The following SKAP1 variants were observed in gnomAD, a reference collection of about 807,000 sequenced individuals.
SKAP1 encodes src kinase-associated phosphoprotein 1.
SKAP1 carries 44 observed loss-of-function variants against 58.5 expected under a neutral mutation model. That is an observed-to-expected ratio of 0.75 (90% CI 0.59 to 0.97). SKAP1 has a LOEUF of 0.97. Ranked by LOEUF, SKAP1 falls within the 50% of genes least tolerant of loss-of-function variation. SKAP1 has a pLI of 0.00. For missense variants in SKAP1, 390 were observed against 435.2 expected (o/e 0.90, Z 0.92); for synonymous variants, 127 against 149.7 (o/e 0.85, Z 1.11).
At chr17:48,224,073 GGAGGAGGAGGAGGAA>G (rs1467161189) in intron 4 of SKAP1, among the ~76,000 whole-genome samples, 1,263 of 58,286 alleles carry the variant, frequency 0.022, 150 homozygotes, top group African/African-American at 0.05. Context: ...AGGAGAAGGA[GGAGGAGGAGGAGGAA>G]GAGGAGGAGG....
At chr17:48,372,382 C>T (rs527759363) in intron 2 of SKAP1, among the ~76,000 whole-genome samples, 1 of 152,284 alleles carries the variant, frequency 6.6e-6, no homozygotes, top group Admixed American at 6.5e-5. Flanking sequence ...TCTTGGCTCA[C>T]CGCAACCTCC....
At chr17:48,320,385 T>C (rs1018596445) in intron 4 of SKAP1, among the ~76,000 whole-genome samples, 5 of 152,202 alleles carry the variant, frequency 3.3e-5, no homozygotes, top group Admixed American at 6.5e-5. Context: ...ATTTTTTCTT[T>C]ACTCTCCTGG....
intron 4 of SKAP1, among the ~76,000 whole-genome samples, chr17:48,276,622 T>C (rs1158278605): frequency 6.6e-6 from 1 of 152,202 alleles, no homozygotes; most frequent in East Asian, 1.9e-4. Flanking sequence ...GTTCCATACA[T>C]GGTACTTCCC....
At chr17:48,235,130 T>C (rs1388745731) in intron 4 of SKAP1, among the ~76,000 whole-genome samples, 2 of 152,110 alleles carry the variant, frequency 1.3e-5, no homozygotes, top group Non-Finnish European at 2.9e-5. Context: ...GAAGGATGAA[T>C]AGGAGTTCTC....
At chr17:48,322,961 T>C (rs2066389213) in intron 4 of SKAP1, among the ~76,000 whole-genome samples, 1 of 151,830 alleles carries the variant, frequency 6.6e-6, no homozygotes, top group South Asian at 2.1e-4. Flanking sequence ...CCAGGCGTGG[T>C]GGCATGCACC....
At chr17:48,394,311 G>C (rs2067388079) in intron 2 of SKAP1, among the ~76,000 whole-genome samples, 1 of 151,892 alleles carries the variant, frequency 6.6e-6, no homozygotes, top group Non-Finnish European at 1.5e-5. Flanking sequence ...TTGTGTTACT[G>C]TATGGTTCAT....
At chr17:48,439,493 T>C in the SKAP1 span, among the ~76,000 whole-genome samples, 2 of 152,148 alleles carry the variant, frequency 1.3e-5, no homozygotes, top group Non-Finnish European at 2.9e-5. Context: ...AAAGAAAAAA[T>C]TGATGGTCAC....
chr17:48,428,485 A>C (rs1030776202), intron 1 of SKAP1, among the ~76,000 whole-genome samples: 8 of 152,272 alleles, frequency 5.3e-5, no homozygotes, highest in Admixed American at 5.2e-4. Flanking sequence ...GTTGTTTACC[A>C]AAGTGTCAGT....
In SKAP1 at chr17:48,390,295, C is replaced by G. The variant is rs150238502; in HGVS notation, c.152+6385G>C. Among the ~76,000 whole-genome samples the G allele has an allele frequency of 1.2e-3, 177 of 152,218 alleles. 1 individual carries two copies. The highest frequency in any genetic ancestry group is 6.8e-3 in the Middle Eastern group (2 of 294). Reference sequence around the variant, plus strand: ...GCCTTTTTCATTGGCTTTCCTTAAACAGAGAAAATAGCATAGCTCTGGGAC... The same window carrying G: ...GCCTTTTTCATTGGCTTTCCTTAAAGAGAGAAAATAGCATAGCTCTGGGAC... On this transcript the variant is annotated intron_variant, in intron 2 of 12. Transcript: ENST00000336915.
intron 4 of SKAP1, among the ~76,000 whole-genome samples, chr17:48,240,804 G>A (rs906460174): frequency 1.3e-5 from 2 of 152,224 alleles, no homozygotes; most frequent in African/African-American, 4.8e-5. Context: ...GTTCCCACTC[G>A]TTCACAATCC....
At chr17:48,355,367 T>A (rs2066861937) in intron 3 of SKAP1, among the ~76,000 whole-genome samples, 1 of 152,176 alleles carries the variant, frequency 6.6e-6, no homozygotes, top group Non-Finnish European at 1.5e-5. Context: ...AGCCTTGACC[T>A]CTCAGGCTCA....
chr17:48,145,099 G>A (rs1164995121), intron 11 of SKAP1, among the ~76,000 whole-genome samples: 2 of 151,880 alleles, frequency 1.3e-5, no homozygotes, highest in African/African-American at 4.8e-5. Flanking sequence ...TTGCCACAAA[G>A]TCTTTTTAGA....
At chr17:48,239,659 C>T (rs2065221741) in intron 4 of SKAP1, among the ~76,000 whole-genome samples, 1 of 152,102 alleles carries the variant, frequency 6.6e-6, no homozygotes, top group African/African-American at 2.4e-5. Flanking sequence ...GACCATTGGT[C>T]CATACAAATA....
intron 2 of SKAP1, among the ~76,000 whole-genome samples, chr17:48,394,164 AGC>A (rs1208924386): frequency 6.6e-6 from 1 of 152,104 alleles, no homozygotes; most frequent in African/African-American, 2.4e-5. Flanking sequence ...TCGAGGCTGC[AGC>A]AAGCTGTGAT....
chr17:48,275,646 G>C (rs149937106), intron 4 of SKAP1, among the ~76,000 whole-genome samples: 1 of 152,182 alleles, frequency 6.6e-6, no homozygotes, highest in African/African-American at 2.4e-5. Context: ...GTTGGGTCAG[G>C]GTTCTTAGCT....
intron 4 of SKAP1, among the ~76,000 whole-genome samples, chr17:48,235,924 G>A (rs2065175525): frequency 6.6e-6 from 1 of 152,166 alleles, no homozygotes; most frequent in Non-Finnish European, 1.5e-5. Context: ...GACCACACTT[G>A]CTTTTCTTTG....
chr17:48,239,994 A>G (rs1276783705), intron 4 of SKAP1, among the ~76,000 whole-genome samples: 1 of 152,226 alleles, frequency 6.6e-6, no homozygotes, highest in Non-Finnish European at 1.5e-5. Flanking sequence ...GTTAAAGACC[A>G]AAGGTGGATC....
intron 1 of SKAP1, among the ~76,000 whole-genome samples, chr17:48,425,918 A>G (rs1458248918): frequency 6.6e-6 from 1 of 152,256 alleles, no homozygotes; most frequent in Non-Finnish European, 1.5e-5. Flanking sequence ...ATAGATATTC[A>G]CTATAACAAC....
intron 1 of SKAP1, among the ~76,000 whole-genome samples, chr17:48,424,058 G>C (rs942632841): frequency 6.6e-6 from 1 of 152,116 alleles, no homozygotes; most frequent in Non-Finnish European, 1.5e-5. Flanking sequence ...TACAAACTAG[G>C]TAGCTTATAA....
Sources: gnomAD v4.1 joint callset for allele counts (sites outside exome capture counted in the v4.1 genomes callset) on GRCh38, gnomAD v4.1.1 for gene constraint, MANE v1.5 for transcripts, NCBI Gene and HGNC (gene_info 2026-07-23, HGNC 2026-07-21) for gene names.